The following USP48 variants were observed in gnomAD, a reference collection of about 807,000 sequenced individuals.
USP48 encodes the protein ubiquitin carboxyl-terminal hydrolase 48.
USP48 carries 43 observed loss-of-function variants against 150.7 expected under a neutral mutation model. That is an observed-to-expected ratio of 0.29 (90% CI 0.22 to 0.37). The LOEUF (loss-of-function observed/expected upper bound fraction) is 0.37. USP48 is among the 10% of genes least tolerant of loss of function. The pLI is 1.00. For missense variants in USP48, 813 were observed against 1,249.6 expected (o/e 0.65, Z 5.27); for synonymous variants, 396 against 425.9 (o/e 0.93, Z 0.86).
chr1:21,773,891 A>T (rs1387443032), intron 1 of USP48, among the ~76,000 whole-genome samples: 3 of 152,138 alleles, frequency 2.0e-5, no homozygotes, highest in African/African-American at 4.8e-5. Context: ...TAATCCCAGC[A>T]CTTTGGGAGG....
intron 1 of USP48, among the ~76,000 whole-genome samples, chr1:21,775,972 G>A (rs759422320): frequency 3.3e-5 from 5 of 152,150 alleles, no homozygotes; most frequent in African/African-American, 4.8e-5. Flanking sequence ...GAAACCCTTT[G>A]CACTTAGATC....
At chr1:21,698,364 A>G (rs1159206286) in intron 22 of USP48, among the ~76,000 whole-genome samples, 3 of 152,198 alleles carry the variant, frequency 2.0e-5, no homozygotes, top group Non-Finnish European at 2.9e-5. Flanking sequence ...TATAAAAAGC[A>G]ATGTTCCCCA....
intron 5 of USP48, among the ~76,000 whole-genome samples, chr1:21,752,016 CAAAAAAAAA>C (rs943113295): frequency 3.1e-5 from 2 of 63,494 alleles, no homozygotes; most frequent in Non-Finnish European, 6.3e-5. Context: ...GAGTCCATCT[CAAAAAAAAA>C]AAAAAAAAGA....
chr1:21,697,874 T>G (rs2097641715), intron 22 of USP48, among the ~76,000 whole-genome samples: 1 of 152,128 alleles, frequency 6.6e-6, no homozygotes, highest in African/African-American at 2.4e-5. Context: ...AATTATTTCT[T>G]TCTTAATCTG....
In USP48 at chr1:21,763,755, C is replaced by T. The variant is rs540709572; in HGVS notation, c.135-5972G>A. Reference sequence around the variant, plus strand: ...ACTTGAACCCAGGAGGCAGAGGGTGCGGTGAGCCGAGATCATGCCATTGCA... The same window carrying T: ...ACTTGAACCCAGGAGGCAGAGGGTGTGGTGAGCCGAGATCATGCCATTGCA... On this transcript the variant is annotated intron_variant, in intron 1 of 26. Transcript: ENST00000308271. Among the ~76,000 whole-genome samples, 15 of 144,908 alleles carry T rather than the reference C, an allele frequency of 1.0e-4. No homozygotes were observed. In the South Asian group the frequency reaches 2.0e-3, roughly 19 times the overall value.
In USP48 at chr1:21,757,439, A is replaced by T. The variant is rs148437333; in HGVS notation, c.255+224T>A. On this transcript the variant is annotated intron_variant, in intron 2 of 26. Coordinates refer to ENST00000308271, the MANE Select transcript of USP48 (RefSeq NM_032236.8). ...ACATAGAATCAGCATTCAAACTAAA[A>T]CTATTATTTAAAGGCTTACTGAATT... 5.6e-3 allele frequency: 2,115 copies of T among 380,912 alleles called. 29 individuals carry two copies. Among genetic ancestry groups the T allele is most frequent in the Non-Finnish European group, 4.6e-3 (1,005 of 218,088 alleles). 23.6% of individuals were successfully genotyped at this position (380,912 alleles called of 1,614,324 possible). A position where few individuals can be genotyped will look rare whatever the true frequency, so the allele number is the denominator to read the frequency against.
chr1:21,708,579 A>AT (rs2097680177), intron 15 of USP48, among the ~76,000 whole-genome samples: 2 of 151,958 alleles, frequency 1.3e-5, no homozygotes, highest in South Asian at 4.1e-4. Flanking sequence ...TTTAAAATTT[A>AT]TTTATTTATT....
chr1:21,783,012 T>C lies in USP48; in HGVS notation c.-55A>G. On this transcript the variant is annotated 5_prime_UTR_variant, in exon 1 of 27. Coordinates refer to ENST00000308271, the MANE Select transcript of USP48 (RefSeq NM_032236.8). The stretch of plus-strand genomic sequence containing the variant: ...CAGACCGCCGCAGCCGCCGCCGCGG[T>C]CTGCACCGCCGCCCCAATGGGCTTC... 6.9e-7 allele frequency: 1 copy of C among 1,456,376 alleles called. No homozygotes were observed. The highest frequency in any genetic ancestry group is 9.0e-7 in the Non-Finnish European group (1 of 1,114,888). 90.2% of individuals were successfully genotyped at this position (1,456,376 alleles called of 1,614,324 possible).
chr1:21,683,723 C>T (rs2097573130), intron 25 of USP48, among the ~76,000 whole-genome samples: 1 of 152,204 alleles, frequency 6.6e-6, no homozygotes, highest in Non-Finnish European at 1.5e-5. Flanking sequence ...CCCTACTGTA[C>T]TACTGAATAC....
chr1:21,750,482 T>C (rs1304146112), intron 6 of USP48, among the ~76,000 whole-genome samples: 2 of 152,128 alleles, frequency 1.3e-5, no homozygotes, highest in Non-Finnish European at 2.9e-5. Context: ...GCACTTTATT[T>C]TACTGTCCCT....
At chr1:21,743,546 A>AG (rs1226162148) in intron 8 of USP48, among the ~76,000 whole-genome samples, 2 of 152,180 alleles carry the variant, frequency 1.3e-5, no homozygotes, top group African/African-American at 4.8e-5. Context: ...ATATCCCAGG[A>AG]GAAAAAAGAG....
intron 1 of USP48, among the ~76,000 whole-genome samples, chr1:21,766,615 G>C (rs894562562): frequency 1.3e-5 from 2 of 152,112 alleles, no homozygotes; most frequent in African/African-American, 4.8e-5. Context: ...AATGGGAAAG[G>C]GGGTAGGGAT....
At position 21,706,207 on chromosome 1, in the gene USP48, A is replaced by T; in HGVS notation, c.2212-20T>A. 6.2e-7 allele frequency: 1 copy of T among 1,612,056 alleles called. No individual in the cohort carries two copies. The highest frequency in any genetic ancestry group is 1.1e-5 in the South Asian group (1 of 90,822). On this transcript the variant is annotated intron_variant, in intron 17 of 26. Coordinates refer to ENST00000308271, the MANE Select transcript of USP48 (RefSeq NM_032236.8). ...CGTATCCTAGAACACAAAAATCACA[A>T]AACAGTATCCGTCAATTCACCGCCT...
rs761036846 is a variant in USP48, at chr1:21,782,817, G to A, written c.134+7C>T. The A allele has an allele frequency of 2.6e-6, 4 of 1,542,138 alleles. No individual in the cohort carries two copies. The highest frequency in any genetic ancestry group is 1.2e-5 in the South Asian group (1 of 82,988). ...GGAGCCCGCGAGGCGCGGTGCGCGG[G>A]CCTCACCTGCACACGCCGCGAATGC... On this transcript the variant is annotated splice_region_variant and intron_variant, in intron 1 of 26. Coordinates refer to ENST00000308271, the MANE Select transcript of USP48 (RefSeq NM_032236.8).
At chr1:21,732,648 G>A in intron 9 of USP48, 2 of 339,796 alleles carry the variant, frequency 5.9e-6, no homozygotes, top group South Asian at 2.3e-5. Context: ...GAGCTTTACA[G>A]TCACAAAAAA....
chr1:21,740,552 G>T (rs2097779233), intron 8 of USP48, among the ~76,000 whole-genome samples: 1 of 152,156 alleles, frequency 6.6e-6, no homozygotes, highest in Non-Finnish European at 1.5e-5. Flanking sequence ...CACTACCTAT[G>T]AAGTCAGAAA....
At chr1:21,759,587 G>A (rs1298022467) in intron 1 of USP48, among the ~76,000 whole-genome samples, 1 of 152,170 alleles carries the variant, frequency 6.6e-6, no homozygotes, top group East Asian at 1.9e-4. Context: ...CTAAAATGAT[G>A]TACTGAAAGA....
In USP48 at chr1:21,736,602, T is replaced by C; in HGVS notation, c.1015A>G (p.Ser339Gly). 6.6e-7 allele frequency: 1 copy of C among 1,516,354 alleles called. No homozygotes were observed. Among genetic ancestry groups the C allele is most frequent in the Non-Finnish European group, 8.8e-7 (1 of 1,139,400 alleles). 93.9% of individuals were successfully genotyped at this position (1,516,354 alleles called of 1,614,324 possible). Residue 339 changes from serine to glycine, a missense_variant, in exon 9 of 27, where the codon AGC becomes GGC. Physicochemically the swap from Ser to Gly is moderately conservative, Grantham distance 56 (BLOSUM62 0). Transcript: ENST00000308271. ...HKGGSYVYEL[S>G]AVLIHRGVSA... Reference sequence around the variant, plus strand: ...ACTCCTCTGTGTATGAGGACTGCGCTGAGTTCATACACGTAGGACCCACCT... The same window carrying C: ...ACTCCTCTGTGTATGAGGACTGCGCCGAGTTCATACACGTAGGACCCACCT...
intron 22 of USP48, among the ~76,000 whole-genome samples, chr1:21,699,772 T>C (rs1452306619): frequency 6.6e-6 from 1 of 151,668 alleles, no homozygotes; most frequent in Admixed American, 6.6e-5. Context: ...CGCCTCGGCC[T>C]TCCAAAATGC....
Sources: gnomAD v4.1 joint callset for allele counts (sites outside exome capture counted in the v4.1 genomes callset) on GRCh38, gnomAD v4.1.1 for gene constraint, MANE v1.5 for transcripts, NCBI Gene and HGNC (gene_info 2026-07-23, HGNC 2026-07-21) for gene names.